The following ADGRL3 variants were observed in gnomAD, a reference collection of about 807,000 sequenced individuals.
ADGRL3 encodes adhesion G protein-coupled receptor L3.
Under a neutral mutation model 153.5 loss-of-function variants are expected in ADGRL3, and 62 were observed. The observed-to-expected ratio is 0.40, with a 90% CI of 0.33 to 0.50. The LOEUF (loss-of-function observed/expected upper bound fraction) is 0.50. Ranked by LOEUF, ADGRL3 falls within the 20% of genes least tolerant of loss-of-function variation. The pLI is 0.47. For missense variants in ADGRL3, 1,641 were observed against 1,859.4 expected (o/e 0.88, Z 2.16); for synonymous variants, 710 against 672.5 (o/e 1.06, Z -0.86).
At chr4:61,990,190 G>C (rs2099098932) in intron 19 of ADGRL3, among the ~76,000 whole-genome samples, 1 of 151,870 alleles carries the variant, frequency 6.6e-6, no homozygotes, top group Non-Finnish European at 1.5e-5. Flanking sequence ...CTAAATGATG[G>C]AGTATTTTTT....
Position 62,025,349 on chromosome 4 carries a change from A to G in ADGRL3, c.3396-3506A>G, listed in dbSNP as rs145349480. On this transcript the variant is annotated intron_variant, in intron 21 of 26. Coordinates refer to ENST00000683033, the MANE Select transcript of ADGRL3 (RefSeq NM_001387552.1). ...CCACTGCCTGCTAAGATCTGTGACT[A>G]GGGGATTAGTATAAGAAAAGTTGTT... Among the ~76,000 whole-genome samples the G allele has an allele frequency of 4.7e-3, 712 of 152,258 alleles. 5 individuals are homozygous for G. The highest frequency in any genetic ancestry group is 9.2e-3 in the Admixed American group (141 of 15,288).
At chr4:61,759,551 T>C (rs971781084) in intron 8 of ADGRL3, among the ~76,000 whole-genome samples, 1 of 152,150 alleles carries the variant, frequency 6.6e-6, no homozygotes, top group Non-Finnish European at 1.5e-5. Flanking sequence ...TCTGCATTGG[T>C]TATTCTAGTT....
chr4:61,400,625 T>C (rs2096918732), intron 2 of ADGRL3, among the ~76,000 whole-genome samples: 1 of 151,730 alleles, frequency 6.6e-6, no homozygotes, highest in East Asian at 1.9e-4. Flanking sequence ...TTGGTGGTAG[T>C]GGAAATGGGG....
At chr4:61,837,155 C>A (rs191112444) in intron 9 of ADGRL3, among the ~76,000 whole-genome samples, 299 of 152,168 alleles carry the variant, frequency 2.0e-3, no homozygotes, top group African/African-American at 6.9e-3. Context: ...TAAAGAGTAA[C>A]TACATTTTTT....
intron 9 of ADGRL3, among the ~76,000 whole-genome samples, chr4:61,834,668 C>T (rs1010715909): frequency 2.8e-4 from 42 of 152,094 alleles, no homozygotes; most frequent in Admixed American, 1.3e-4. Flanking sequence ...GAGTTGACCC[C>T]AAGGTGAGAG....
chr4:61,666,726 G>T (rs2094811741), intron 5 of ADGRL3, among the ~76,000 whole-genome samples: 2 of 152,024 alleles, frequency 1.3e-5, no homozygotes, highest in African/African-American at 4.8e-5. Flanking sequence ...CTTATATTAG[G>T]TGAAAATAAG....
At chr4:61,552,183 T>G (rs2098743448) in intron 4 of ADGRL3, among the ~76,000 whole-genome samples, 1 of 151,886 alleles carries the variant, frequency 6.6e-6, no homozygotes, top group Admixed American at 6.6e-5. Flanking sequence ...CATATGTCAC[T>G]TACTAATTCA....
intron 2 of ADGRL3, among the ~76,000 whole-genome samples, chr4:61,470,817 GTTTTGAAAGATT>G (rs1294736135): frequency 1.3e-5 from 2 of 151,832 alleles, no homozygotes; most frequent in East Asian, 3.9e-4. Context: ...TAAAACAGTG[GTTTTGAAAGATT>G]TTTTTCATTT....
At chr4:61,935,101 G>A (rs2098832651) in intron 14 of ADGRL3, 78 bp downstream of exon 14, 5 of 1,215,818 alleles carry the variant, frequency 4.1e-6, no homozygotes, top group Non-Finnish European at 5.9e-6. Context: ...TATCTCTGGT[G>A]TCCTAGATAT....
chr4:61,696,666 T>A (rs931789202), intron 6 of ADGRL3, among the ~76,000 whole-genome samples: 218 of 143,378 alleles, frequency 1.5e-3, no homozygotes, highest in African/African-American at 5.5e-3. Context: ...CCTTTTTTTT[T>A]AACCTTTTTT....
chr4:61,268,067 A>G (rs1292026463), intron 1 of ADGRL3, among the ~76,000 whole-genome samples: 2 of 151,546 alleles, frequency 1.3e-5, no homozygotes, highest in Admixed American at 1.3e-4. Flanking sequence ...TTTTTAAATG[A>G]CTCCATGTAA....
At chr4:61,610,774 A>G (rs928686132) in intron 5 of ADGRL3, among the ~76,000 whole-genome samples, 5 of 139,490 alleles carry the variant, frequency 3.6e-5, no homozygotes, top group African/African-American at 1.1e-4. Flanking sequence ...AGAACCTTAC[A>G]TTAATGCATT....
At chr4:61,787,254 C>G (rs962929683) in intron 8 of ADGRL3, among the ~76,000 whole-genome samples, 3 of 151,930 alleles carry the variant, frequency 2.0e-5, no homozygotes, top group Non-Finnish European at 2.9e-5. Flanking sequence ...CATATGCTAT[C>G]CAGACATTAT....
At chr4:61,658,742 C>T (rs2094510408) in intron 5 of ADGRL3, among the ~76,000 whole-genome samples, 1 of 152,038 alleles carries the variant, frequency 6.6e-6, no homozygotes, top group Non-Finnish European at 1.5e-5. Flanking sequence ...GCCTGCCATG[C>T]CTTTTCTACC....
chr4:61,791,916 AGG>A (rs1332410559), intron 8 of ADGRL3, among the ~76,000 whole-genome samples: 2 of 152,020 alleles, frequency 1.3e-5, no homozygotes, highest in African/African-American at 2.4e-5. Flanking sequence ...TACCAAGAGG[AGG>A]GGAACCCTGG....
At chr4:61,501,444 C>A (rs1479319198) in intron 3 of ADGRL3, among the ~76,000 whole-genome samples, 4 of 152,190 alleles carry the variant, frequency 2.6e-5, no homozygotes, top group East Asian at 1.9e-4. Context: ...TAGTGGTAAA[C>A]CCCTGAGCAC....
At chr4:61,957,467 A>G (rs576843634) in intron 17 of ADGRL3, among the ~76,000 whole-genome samples, 3 of 152,200 alleles carry the variant, frequency 2.0e-5, no homozygotes, top group Admixed American at 1.3e-4. Flanking sequence ...AAGCATAGCC[A>G]AATTATAAGT....
At chr4:61,889,391 G>A (rs1201837578) in intron 9 of ADGRL3, among the ~76,000 whole-genome samples, 1 of 152,188 alleles carries the variant, frequency 6.6e-6, no homozygotes, top group Non-Finnish European at 1.5e-5. Flanking sequence ...CTTAAAAGAT[G>A]AGGAAGCATT....
chr4:61,934,764 C>A, intron 13 of ADGRL3, 76 bp from the exon 14 acceptor site: 2 of 1,147,528 alleles, frequency 1.7e-6, no homozygotes, highest in Non-Finnish European at 2.6e-6. Context: ...GCTTGCTGGG[C>A]AACATGTACA....
Sources: gnomAD v4.1 joint callset for allele counts (sites outside exome capture counted in the v4.1 genomes callset) on GRCh38, gnomAD v4.1.1 for gene constraint, MANE v1.5 for transcripts, NCBI Gene and HGNC (gene_info 2026-07-23, HGNC 2026-07-21) for gene names.